The following CSMD1 variants were observed in gnomAD, a reference collection of about 807,000 sequenced individuals.
The protein encoded by CSMD1 is CUB and Sushi multiple domains 1.
Under a neutral mutation model 417.5 loss-of-function variants are expected in CSMD1, and 213 were observed. The ratio of observed to expected loss-of-function variants is 0.51; its 90% CI spans 0.46 to 0.57. CSMD1 has a LOEUF of 0.57. Among genes scored for constraint, CSMD1 ranks in the 20% least tolerant of loss-of-function variants. The pLI is 0.00. For synonymous variants in CSMD1, 2,862 were observed against 1,736.8 expected (o/e 1.65, Z -16.11); for missense variants, 6,923 against 4,529.7 (o/e 1.53, Z -15.17).
At chr8:3,326,955 T>C (rs187301113) in intron 23 of CSMD1, among the ~76,000 whole-genome samples, 15 of 151,656 alleles carry the variant, frequency 9.9e-5, no homozygotes, top group Admixed American at 3.9e-4. Flanking sequence ...GGTGGGAGGA[T>C]AGCATGAGCC....
At chr8:4,036,989 G>C (rs1460797735) in intron 3 of CSMD1, among the ~76,000 whole-genome samples, 1 of 150,990 alleles carries the variant, frequency 6.6e-6, no homozygotes, top group Non-Finnish European at 1.5e-5. Flanking sequence ...GTGTGTGTGT[G>C]TGTGTGTGAT....
chr8:4,974,758 T>TG (rs1253216598), intron 1 of CSMD1, among the ~76,000 whole-genome samples: 1 of 152,144 alleles, frequency 6.6e-6, no homozygotes, highest in Non-Finnish European at 1.5e-5. Context: ...GACTAGAAGG[T>TG]GATTTTTTGA....
At chr8:3,007,856 G>T (rs910124635) in intron 52 of CSMD1, among the ~76,000 whole-genome samples, 6 of 151,312 alleles carry the variant, frequency 4.0e-5, no homozygotes, top group African/African-American at 9.7e-5. Context: ...CACCAGCATG[G>T]CACATGTATA....
chr8:3,982,896 C>G (rs1437160917), intron 5 of CSMD1, among the ~76,000 whole-genome samples: 1 of 152,120 alleles, frequency 6.6e-6, no homozygotes, highest in Non-Finnish European at 1.5e-5. Context: ...CTACCCTTGC[C>G]TTTACAATAA....
chr8:3,639,315 T>A (rs1379232235), intron 7 of CSMD1, among the ~76,000 whole-genome samples: 9 of 152,180 alleles, frequency 5.9e-5, no homozygotes, highest in Non-Finnish European at 1.5e-5. Context: ...TGGGGTGTTG[T>A]TTCATTAAGA....
chr8:3,472,542 T>C (rs558428900), intron 11 of CSMD1, among the ~76,000 whole-genome samples: 3 of 152,190 alleles, frequency 2.0e-5, no homozygotes, highest in African/African-American at 7.2e-5. Flanking sequence ...TCTTCCTGTA[T>C]GTGTGCACAA....
intron 1 of CSMD1, among the ~76,000 whole-genome samples, chr8:4,946,624 T>G (rs903142576): frequency 3.3e-5 from 5 of 152,182 alleles, no homozygotes; most frequent in Admixed American, 2.6e-4. Context: ...AGGTACTAAA[T>G]TTATGCCATA....
At position 4,173,630 on chromosome 8, in the gene CSMD1, G is replaced by A. The variant is rs532692171; in HGVS notation, c.416-141531C>T. Among the ~76,000 whole-genome samples the A allele has an allele frequency of 1.0e-3, 155 of 152,158 alleles. 3 individuals are homozygous for A. In the South Asian group the frequency reaches 0.014, roughly 13 times the overall value. On this transcript the variant is annotated intron_variant, in intron 3 of 69. Transcript: ENST00000635120. ...TAGATACATAGCTTTGTGGAAGTTC[G>A]GAAACACTGAATGCCACTTTTCAGA...
chr8:3,688,866 G>C (rs1210606146), intron 7 of CSMD1, among the ~76,000 whole-genome samples: 1 of 151,988 alleles, frequency 6.6e-6, no homozygotes, highest in Non-Finnish European at 1.5e-5. Flanking sequence ...AGAATAGAGA[G>C]ATCAGAAATA....
chr8:3,562,265 C>T (rs1384189), intron 10 of CSMD1, among the ~76,000 whole-genome samples: 151,781 of 152,314 alleles, frequency 1, 75,629 homozygotes, highest in Middle Eastern at 1. Context: ...GCATGGAGGC[C>T]ACAAAACATC....
chr8:4,983,441 T>C (rs1811005146), intron 1 of CSMD1, among the ~76,000 whole-genome samples: 1 of 152,190 alleles, frequency 6.6e-6, no homozygotes. Flanking sequence ...CTTGCAAGAG[T>C]GCCCTTCAGT....
At chr8:4,346,787 G>T (rs966925823) in intron 3 of CSMD1, among the ~76,000 whole-genome samples, 25 of 152,116 alleles carry the variant, frequency 1.6e-4, no homozygotes, top group African/African-American at 4.8e-4. Context: ...CAAGTCAGTG[G>T]TAAGCTCTGG....
Position 3,971,041 on chromosome 8 carries a change from G to A in CSMD1, c.818+26862C>T, listed in dbSNP as rs189403914. Among the ~76,000 whole-genome samples the A allele has an allele frequency of 9.3e-3, 1,422 of 152,268 alleles. 13 individuals carry two copies. The highest frequency in any genetic ancestry group is 0.017 in the Middle Eastern group (5 of 294). ...ACTGGGATTTTAGGCATGAGTCACCGCGCCCGGCCTACATGGAATCTTAAT... is the reference window on the plus strand; with the variant it reads ...ACTGGGATTTTAGGCATGAGTCACCACGCCCGGCCTACATGGAATCTTAAT... On this transcript the variant is annotated intron_variant, in intron 5 of 69. Coordinates refer to ENST00000635120, the MANE Select transcript of CSMD1 (RefSeq NM_033225.6).
In CSMD1 at chr8:3,251,837, C is replaced by G. The variant is rs573786500; in HGVS notation, c.4154-21606G>C. On this transcript the variant is annotated intron_variant, in intron 26 of 69. Transcript: ENST00000635120. Reference sequence around the variant, plus strand: ...TTCTCTTTGAAGCAGTTGTGAATGGCAGTTCACTCATGATTTGGCTCTTTC... The same window carrying G: ...TTCTCTTTGAAGCAGTTGTGAATGGGAGTTCACTCATGATTTGGCTCTTTC... Among the ~76,000 whole-genome samples, 253 of 152,238 alleles carry G rather than the reference C, an allele frequency of 1.7e-3. 1 individual carries two copies. Among genetic ancestry groups the G allele is most frequent in the Admixed American group, 2.6e-3 (40 of 15,282 alleles).
intron 17 of CSMD1, among the ~76,000 whole-genome samples, chr8:3,393,861 G>A (rs1348427540): frequency 6.6e-6 from 1 of 151,060 alleles, no homozygotes; most frequent in Non-Finnish European, 1.5e-5. Context: ...AGGGGGCAGG[G>A]ATAGCATTAG....
chr8:3,909,840 G>C (rs1280080946), intron 5 of CSMD1, among the ~76,000 whole-genome samples: 1 of 152,090 alleles, frequency 6.6e-6, no homozygotes, highest in African/African-American at 2.4e-5. Flanking sequence ...GAAGCACCAC[G>C]TATGTCCTGC....
chr8:4,937,276 T>C (rs1247904307), intron 1 of CSMD1, among the ~76,000 whole-genome samples: 1 of 152,204 alleles, frequency 6.6e-6, no homozygotes, highest in Non-Finnish European at 1.5e-5. Context: ...GGTATAGTCC[T>C]ATCTTCACTG....
chr8:4,322,082 T>G (rs908171956), intron 3 of CSMD1, among the ~76,000 whole-genome samples: 3 of 152,192 alleles, frequency 2.0e-5, no homozygotes, highest in African/African-American at 7.2e-5. Context: ...TAGACTGAAA[T>G]GAACTCTTTA....
chr8:3,973,712 C>G (rs185746350), intron 5 of CSMD1, among the ~76,000 whole-genome samples: 28 of 152,316 alleles, frequency 1.8e-4, no homozygotes, highest in Middle Eastern at 3.4e-3. Flanking sequence ...ACCTTTATCA[C>G]TTTGCAAGAA....
Sources: allele counts gnomAD v4.1 joint callset (sites outside exome capture counted in the v4.1 genomes callset), GRCh38; gene constraint gnomAD v4.1.1; transcripts MANE v1.5; gene names NCBI Gene and HGNC (gene_info 2026-07-23, HGNC 2026-07-21).